RBFOX1: variants seen among roughly 807,000 people sequenced by gnomAD.
RBFOX1 encodes the protein RNA binding fox-1 homolog 1, also known as RNA binding protein fox-1 homolog 1.
A neutral mutation model predicts 57.7 loss-of-function variants in RBFOX1; 8 were observed. The ratio of observed to expected loss-of-function variants is 0.14; its 90% CI spans 0.08 to 0.25. The LOEUF (loss-of-function observed/expected upper bound fraction) is 0.25, where lower values mean the gene tolerates loss of function less well. Ranked by LOEUF, RBFOX1 falls within the 10% of genes least tolerant of loss-of-function variation. The pLI is 1.00. For synonymous variants in RBFOX1, 326 were observed against 222.4 expected, an observed-to-expected ratio of 1.47 and a Z score of -4.15; for missense variants, 611 against 548.5, an observed-to-expected ratio of 1.11 and a Z score of -1.14.
chr16:5,791,514 C>T (rs2054696570), intron 3 of RBFOX1, among the ~76,000 whole-genome samples: 1 of 152,132 alleles, frequency 6.6e-6, no homozygotes, highest in Non-Finnish European at 1.5e-5. Flanking sequence ...CCTCTGTTCT[C>T]ACTGCCTGGC....
At chr16:7,535,276 T>C (rs997373362) in intron 5 of RBFOX1, among the ~76,000 whole-genome samples, 2 of 152,200 alleles carry the variant, frequency 1.3e-5, no homozygotes, top group South Asian at 4.1e-4. Flanking sequence ...GCTGCTGGGC[T>C]TACGGGCCCT....
At chr16:7,015,267 C>G (rs989974350) in intron 3 of RBFOX1, among the ~76,000 whole-genome samples, 1 of 152,034 alleles carries the variant, frequency 6.6e-6, no homozygotes, top group Non-Finnish European at 1.5e-5. Flanking sequence ...AGCATATGGC[C>G]TGGGACTGCA....
intron 13 of RBFOX1, among the ~76,000 whole-genome samples, chr16:7,674,208 T>C (rs1349744577): frequency 6.6e-6 from 1 of 152,154 alleles, no homozygotes; most frequent in East Asian, 1.9e-4. Context: ...AGAGGAGAGA[T>C]AAAACCACCC....
At chr16:6,300,308 C>T (rs996204939) in intron 1 of RBFOX1, among the ~76,000 whole-genome samples, 2 of 152,238 alleles carry the variant, frequency 1.3e-5, no homozygotes, top group Non-Finnish European at 2.9e-5. Flanking sequence ...TTGAATATCA[C>T]TAAAAGAGTA....
intron 1 of RBFOX1, among the ~76,000 whole-genome samples, chr16:6,218,651 G>A (rs1370940494): frequency 2.0e-5 from 3 of 152,122 alleles, no homozygotes; most frequent in African/African-American, 7.2e-5. Context: ...GGAAAGCCCA[G>A]CTTTTGCTTC....
At chr16:6,353,196 T>G (rs2086696678) in intron 2 of RBFOX1, among the ~76,000 whole-genome samples, 1 of 152,116 alleles carries the variant, frequency 6.6e-6, no homozygotes, top group Admixed American at 6.5e-5. Context: ...TCATCTCCTC[T>G]ACCATTGAAG....
intron 2 of RBFOX1, among the ~76,000 whole-genome samples, chr16:5,469,386 G>C (rs147041091): frequency 6.6e-6 from 1 of 152,310 alleles, no homozygotes; most frequent in Non-Finnish European, 1.5e-5. Context: ...TTGTTGTGGT[G>C]GGGGAGCAGT....
At chr16:7,497,121 C>G (rs1056579807) in intron 4 of RBFOX1, among the ~76,000 whole-genome samples, 1 of 152,176 alleles carries the variant, frequency 6.6e-6, no homozygotes, top group Non-Finnish European at 1.5e-5. Context: ...ATGTGAATCC[C>G]ATGCCTGGAA....
chr16:7,428,414 C>A (rs555437121), intron 4 of RBFOX1, among the ~76,000 whole-genome samples: 1 of 144,184 alleles, frequency 6.9e-6, no homozygotes, highest in African/African-American at 2.6e-5. Flanking sequence ...GCAACTTTTG[C>A]CTCCTGGGTT....
At chr16:7,045,280 CA>C (rs1355748130) in intron 3 of RBFOX1, among the ~76,000 whole-genome samples, 2 of 151,406 alleles carry the variant, frequency 1.3e-5, no homozygotes, top group East Asian at 1.9e-4. Context: ...GTGCATGACC[CA>C]AAAAAAGAAG....
chr16:5,847,885 A>T (rs1049478072), intron 3 of RBFOX1, among the ~76,000 whole-genome samples: 15 of 151,510 alleles, frequency 9.9e-5, no homozygotes, highest in Non-Finnish European at 1.0e-4. Flanking sequence ...AGCATTGCCA[A>T]CAGATTGTCT....
At chr16:6,576,085 T>C (rs1600355191) in intron 2 of RBFOX1, among the ~76,000 whole-genome samples, 2 of 152,184 alleles carry the variant, frequency 1.3e-5, no homozygotes, top group South Asian at 2.1e-4. Context: ...GGCACCTTCA[T>C]ACCGCATTGT....
intron 4 of RBFOX1, among the ~76,000 whole-genome samples, chr16:7,302,636 A>C (rs1339714179): frequency 2.7e-5 from 4 of 150,398 alleles, no homozygotes; most frequent in Non-Finnish European, 5.9e-5. Context: ...CTGAAAACAA[A>C]AAAAAAAAAA....
At chr16:6,268,964 A>G (rs185596702) in intron 1 of RBFOX1, among the ~76,000 whole-genome samples, 4 of 152,208 alleles carry the variant, frequency 2.6e-5, no homozygotes, top group Non-Finnish European at 5.9e-5. Flanking sequence ...ATATAACCTA[A>G]AAACATCCTC....
chr16:5,902,214 C>G (rs928101802), intron 4 of RBFOX1, among the ~76,000 whole-genome samples: 3 of 151,994 alleles, frequency 2.0e-5, no homozygotes, highest in African/African-American at 4.8e-5. Context: ...CCATTAAGTA[C>G]GAATTAATGT....
chr16:7,434,736 A>ATTTTT (rs71147698), intron 4 of RBFOX1, among the ~76,000 whole-genome samples: 4 of 148,000 alleles, frequency 2.7e-5, no homozygotes, highest in African/African-American at 2.5e-5. Flanking sequence ...TCTTGTTAAC[A>ATTTTT]TTTTTTTTTT....
rs138866626 is a variant in RBFOX1, at chr16:7,113,127, A to C, written c.27+61029A>C. Reference sequence around the variant, plus strand: ...GAACCACGGTCAATTCAAGTTTGAGATCTCTGCAGATATATACGTTTTTAA... The same window carrying C: ...GAACCACGGTCAATTCAAGTTTGAGCTCTCTGCAGATATATACGTTTTTAA... On this transcript the variant is annotated intron_variant, in intron 4 of 15. Transcript: ENST00000550418. Among the ~76,000 whole-genome samples the C allele has an allele frequency of 7.9e-4, 121 of 152,222 alleles. 1 individual carries two copies. The highest frequency in any genetic ancestry group is 1.9e-3 in the South Asian group (9 of 4,824).
At chr16:6,593,114 C>T (rs936024145) in intron 2 of RBFOX1, among the ~76,000 whole-genome samples, 2 of 152,116 alleles carry the variant, frequency 1.3e-5, no homozygotes, top group African/African-American at 2.4e-5. Context: ...ATCACTTGAG[C>T]CTGGAAGACA....
intron 4 of RBFOX1, among the ~76,000 whole-genome samples, chr16:7,087,332 C>T (rs2060143883): frequency 6.6e-6 from 1 of 152,134 alleles, no homozygotes; most frequent in Non-Finnish European, 1.5e-5. Flanking sequence ...TTCCGTGAAT[C>T]TCCCACCCGC....
Sources: gnomAD v4.1 joint callset for allele counts (sites outside exome capture counted in the v4.1 genomes callset) on GRCh38, gnomAD v4.1.1 for gene constraint, MANE v1.5 for transcripts, NCBI Gene and HGNC (gene_info 2026-07-23, HGNC 2026-07-21) for gene names.